The following ERG variants were observed in gnomAD, a reference collection of about 807,000 sequenced individuals.
ERG encodes transcriptional regulator ERG.
Under a neutral mutation model 55.3 loss-of-function variants are expected in ERG, and 9 were observed. That is an observed-to-expected ratio of 0.16 (90% CI 0.10 to 0.28). The LOEUF (loss-of-function observed/expected upper bound fraction) is 0.28. Among genes scored for constraint, ERG ranks in the 10% least tolerant of loss-of-function variants. ERG has a pLI of 1.00. For missense variants in ERG, 434 were observed against 631.6 expected, an observed-to-expected ratio of 0.69 and a Z score of 3.35; for synonymous variants, 223 against 237.3, an observed-to-expected ratio of 0.94 and a Z score of 0.55.
intron 3 of ERG, among the ~76,000 whole-genome samples, chr21:38,413,338 A>G (rs971453490): frequency 6.6e-6 from 1 of 152,080 alleles, no homozygotes. Flanking sequence ...TAACCTCTCT[A>G]TTTTACTAGA....
intron 1 of ERG, among the ~76,000 whole-genome samples, chr21:38,646,245 C>A (rs1175356459): frequency 6.8e-6 from 1 of 147,590 alleles, no homozygotes; most frequent in Non-Finnish European, 1.5e-5. Context: ...GGCACCACTG[C>A]ACTCCAGCCT....
At chr21:38,615,440 A>G (rs1194672275) in intron 1 of ERG, among the ~76,000 whole-genome samples, 1 of 152,114 alleles carries the variant, frequency 6.6e-6, no homozygotes, top group African/African-American at 2.4e-5. Context: ...CAAAAAATGC[A>G]AGCATGGGGC....
chr21:38,549,076 G>A (rs1051351746), intron 2 of ERG, among the ~76,000 whole-genome samples: 9 of 151,962 alleles, frequency 5.9e-5, no homozygotes, highest in South Asian at 2.1e-4. Context: ...TCGCACCACC[G>A]CACTCCAGCC....
intron 1 of ERG, among the ~76,000 whole-genome samples, chr21:38,451,719 A>G (rs891993954): frequency 2.0e-5 from 3 of 152,224 alleles, no homozygotes; most frequent in African/African-American, 4.8e-5. Flanking sequence ...ACTTAGAGAA[A>G]GCTCTGCTCT....
intron 2 of ERG, among the ~76,000 whole-genome samples, chr21:38,571,347 C>A (rs1247483617): frequency 6.6e-6 from 1 of 150,984 alleles, no homozygotes; most frequent in African/African-American, 2.4e-5. Context: ...CTTGTCTCTA[C>A]AAAAAAAATA....
chr21:38,398,572 C>T (rs1191857506), intron 6 of ERG, among the ~76,000 whole-genome samples: 2 of 152,182 alleles, frequency 1.3e-5, no homozygotes, highest in Non-Finnish European at 2.9e-5. Flanking sequence ...ACCATCAGAG[C>T]GGCATGGGAG....
At chr21:38,451,721 C>T (rs2058943766) in intron 1 of ERG, among the ~76,000 whole-genome samples, 1 of 152,172 alleles carries the variant, frequency 6.6e-6, no homozygotes, top group African/African-American at 2.4e-5. Context: ...TTAGAGAAAG[C>T]TCTGCTCTCC....
At chr21:38,542,547 C>A (rs2059760522) in intron 2 of ERG, among the ~76,000 whole-genome samples, 1 of 152,126 alleles carries the variant, frequency 6.6e-6, no homozygotes, top group Admixed American at 6.5e-5. Context: ...TTTAAAATCT[C>A]AGTTATTATG....
chr21:38,525,853 CG>C (rs765995424), intron 2 of ERG, among the ~76,000 whole-genome samples: 9 of 152,198 alleles, frequency 5.9e-5, no homozygotes, highest in Admixed American at 1.3e-4. Context: ...AATGCAGAGA[CG>C]GACTGAAAGC....
At chr21:38,448,599 A>T (rs1427200613) in intron 1 of ERG, among the ~76,000 whole-genome samples, 1 of 152,138 alleles carries the variant, frequency 6.6e-6, no homozygotes, top group Non-Finnish European at 1.5e-5. Context: ...TCACATACAC[A>T]TTTTGGGAGT....
intron 1 of ERG, among the ~76,000 whole-genome samples, chr21:38,631,161 C>A (rs545407631): frequency 6.6e-6 from 1 of 152,156 alleles, no homozygotes; most frequent in South Asian, 2.1e-4. Context: ...ACCACACACC[C>A]TCTTCCAATT....
intron 1 of ERG, among the ~76,000 whole-genome samples, chr21:38,493,866 G>A (rs571140950): frequency 1.2e-4 from 19 of 152,308 alleles, no homozygotes; most frequent in Middle Eastern, 3.4e-3. Flanking sequence ...GTGGGAGGCC[G>A]CACATCAGAG....
chr21:38,638,652 G>C (rs2060405213), intron 1 of ERG, among the ~76,000 whole-genome samples: 1 of 152,166 alleles, frequency 6.6e-6, no homozygotes, highest in South Asian at 2.1e-4. Flanking sequence ...CCAGAGGATG[G>C]GGGGAGTCAG....
intron 3 of ERG, among the ~76,000 whole-genome samples, chr21:38,415,091 T>TC (rs1989219307): frequency 6.6e-6 from 1 of 152,226 alleles, no homozygotes; most frequent in Non-Finnish European, 1.5e-5. Context: ...TCCTGTGTTC[T>TC]CCCCTGGGTA....
At chr21:38,575,714 C>T (rs780724991) in exon 2 of ERG, 6 of 1,613,982 alleles carry the variant, frequency 3.7e-6, no homozygotes, top group Non-Finnish European at 4.2e-6. Context: ...CTTCAGTAAG[C>T]CAGCCCATCT....
At chr21:38,501,901 T>A (rs2059424184), upstream of ERG, among the ~76,000 whole-genome samples, 3 of 152,234 alleles carry the variant, frequency 2.0e-5, no homozygotes, top group South Asian at 6.2e-4. Flanking sequence ...ATAAATTCAC[T>A]GTCACAATAA....
intron 2 of ERG, among the ~76,000 whole-genome samples, chr21:38,562,300 C>T (rs531655737): frequency 5.4e-4 from 82 of 152,088 alleles, no homozygotes; most frequent in African/African-American, 1.6e-3. Flanking sequence ...TGTGATGTGC[C>T]CTGATAGTTT....
intron 1 of ERG, among the ~76,000 whole-genome samples, chr21:38,478,809 G>A (rs568561537): frequency 7.2e-5 from 11 of 152,268 alleles, no homozygotes; most frequent in Admixed American, 2.0e-4. Context: ...GGACTGTGTA[G>A]GTGCAACGTG....
chr21:38,417,868 C>T (rs113150694), intron 3 of ERG, among the ~76,000 whole-genome samples: 1 of 152,074 alleles, frequency 6.6e-6, no homozygotes, highest in Non-Finnish European at 1.5e-5. Flanking sequence ...GCTGCTAAAG[C>T]GAGAGGTCCT....
Sources: allele counts gnomAD v4.1 joint callset (sites outside exome capture counted in the v4.1 genomes callset), GRCh38; gene constraint gnomAD v4.1.1; transcripts MANE v1.5; gene names NCBI Gene and HGNC (gene_info 2026-07-23, HGNC 2026-07-21).